Variants in MTF2 observed in about 807,000 individuals in gnomAD.
MTF2 encodes metal response element binding transcription factor 2.
Under a neutral mutation model 79.5 loss-of-function variants are expected in MTF2, and 11 were observed. That is an observed-to-expected ratio of 0.14 (90% CI 0.09 to 0.23). MTF2 has a LOEUF of 0.23. Among genes scored for constraint, MTF2 ranks in the 10% least tolerant of loss-of-function variants. The pLI is 1.00. For missense variants in MTF2, 486 were observed against 711.2 expected (o/e 0.68, Z 3.60); for synonymous variants, 208 against 232.8 (o/e 0.89, Z 0.97).
chr1:93,115,892 T>G (rs2101066192), intron 6 of MTF2, among the ~76,000 whole-genome samples: 1 of 152,310 alleles, frequency 6.6e-6, no homozygotes, highest in East Asian at 1.9e-4. Context: ...GGGAAAACAT[T>G]TACTGCAGGG....
intron 1 of MTF2, among the ~76,000 whole-genome samples, chr1:93,104,605 G>C (rs1053611602): frequency 1.3e-5 from 2 of 150,170 alleles, no homozygotes; most frequent in African/African-American, 2.4e-5. Flanking sequence ...CTTGAACCCA[G>C]GAGGTGGAGG....
chr1:93,127,085 G>A, intron 9 of MTF2, 147 bp from the exon 10 acceptor site: 2 of 599,614 alleles, frequency 3.3e-6, no homozygotes, highest in South Asian at 2.1e-5. Context: ...TCACATAATA[G>A]TCAGTGAGGA....
chr1:93,079,635 G>A, intron 1 of MTF2, 104 bp downstream of exon 1: 1 of 1,408,790 alleles, frequency 7.1e-7, no homozygotes, highest in Non-Finnish European at 1.0e-6. Flanking sequence ...GAGGACCAAG[G>A]TGGGGGTGGG....
At position 93,135,024 on chromosome 1, in the gene MTF2, C is replaced by G. The variant is rs1020990266; in HGVS notation, c.1424+829C>G. On this transcript the variant is annotated intron_variant, in intron 14 of 14. Transcript: ENST00000370298. ...TCGCTCTGTCACCCAGGCTGGAGTA[C>G]AGTGGCATGATATCGACTCACTGCA... 2.6e-5 allele frequency among the ~76,000 whole-genome samples: 4 copies of G among 152,104 alleles called. No individual in the cohort carries two copies. The South Asian group carries it at 8.3e-4, about 32-fold the overall frequency.
intron 9 of MTF2, chr1:93,121,141 G>A (rs1656459587): frequency 1.0e-6 from 1 of 984,732 alleles, no homozygotes; most frequent in Admixed American, 6.1e-5. Context: ...GTTGTAGAGT[G>A]AAGCTGCCTG....
chr1:93,118,822 A>G (rs1351677614), intron 7 of MTF2, among the ~76,000 whole-genome samples: 2 of 152,260 alleles, frequency 1.3e-5, no homozygotes, highest in Non-Finnish European at 2.9e-5. Flanking sequence ...TGTACTTTCT[A>G]TATTAGAAGA....
At chr1:93,127,817 T>G (rs1656760533) in intron 10 of MTF2, among the ~76,000 whole-genome samples, 1 of 2,194 alleles carries the variant, frequency 4.6e-4, no homozygotes, top group African/African-American at 1.4e-3. Context: ...CCCTACCTTA[T>G]TTTTACTTTT....
chr1:93,130,969 A>T (rs943551353), intron 11 of MTF2, among the ~76,000 whole-genome samples: 2 of 151,972 alleles, frequency 1.3e-5, no homozygotes, highest in African/African-American at 4.8e-5. Context: ...ACACACACAC[A>T]CCCTCATACA....
rs749110976 is a variant in MTF2 at position 93,118,417 on chromosome 1, A to G, written c.705A>G (p.Gln235=). The stretch of plus-strand genomic sequence containing the variant: ...ATGAGGCTTGTGTGCAATGCCTTCA[A>G]AAGCCAATGCTATTTGGAGACAGGT... The part of the protein sequence containing the change: ...WFHEACVQCL[Q]KPMLFGDRFY... The change falls in exon 7 of 15, where the codon CAA becomes CAG. Residue 235 remains glutamine (Q), a synonymous_variant. Coordinates refer to ENST00000370298, the MANE Select transcript of MTF2 (RefSeq NM_007358.4). 6.2e-7 allele frequency: 1 copy of G among 1,602,610 alleles called. No individual in the cohort carries two copies. The highest frequency in any genetic ancestry group is 1.1e-5 in the South Asian group (1 of 89,272).
intron 1 of MTF2, among the ~76,000 whole-genome samples, chr1:93,098,169 CTT>C (rs1326022206): frequency 2.0e-5 from 3 of 152,090 alleles, no homozygotes; most frequent in East Asian, 1.9e-4. Flanking sequence ...TGTCTCATGA[CTT>C]TGTGCCTTTA....
At chr1:93,082,639 A>G (rs534474624) in intron 1 of MTF2, among the ~76,000 whole-genome samples, 2 of 152,250 alleles carry the variant, frequency 1.3e-5, no homozygotes, top group African/African-American at 4.8e-5. Flanking sequence ...ATATATTGAA[A>G]TGCACAAATC....
intron 9 of MTF2, chr1:93,121,261 G>A (rs540724435): frequency 1.2e-5 from 11 of 935,952 alleles, no homozygotes; most frequent in Admixed American, 6.2e-5. Context: ...TAAAAGTAAT[G>A]TGTGTTCATT....
chr1:93,136,739 A>T lies in MTF2; in HGVS notation c.1494A>T (p.Arg498Ser), dbSNP rs749903364. ...CTGCTGCAATACCACATTTGCGGAG[A>T]AGAAGAGGTCGTCTTCCAAGAAGAG... ...SWPAAIPHLR[R>S]RRGRLPRRAL... The change falls in exon 15 of 15, where the codon AGA (arginine) becomes AGT (serine). Residue 498 changes from arginine (R) to serine (S), a missense_variant. Transcript: ENST00000370298. 86 of 1,613,912 alleles carry T rather than the reference A, an allele frequency of 5.3e-5. No individual in the cohort carries two copies. Among genetic ancestry groups the T allele is most frequent in the Non-Finnish European group, 7.0e-5 (83 of 1,179,898 alleles).
intron 11 of MTF2, among the ~76,000 whole-genome samples, chr1:93,133,091 A>G (rs764209681): frequency 3.3e-5 from 5 of 150,540 alleles, no homozygotes; most frequent in Non-Finnish European, 4.4e-5. Context: ...GGTCTTTCTG[A>G]TTTTTCCTTT....
intron 10 of MTF2, among the ~76,000 whole-genome samples, chr1:93,128,386 T>C (rs4240965): frequency 0.88 from 134,091 of 151,626 alleles, 59,652 homozygotes; most frequent in East Asian, 0.95. Flanking sequence ...GGTGAAACCC[T>C]GTCTCTACTA....
Position 93,109,085 on chromosome 1 carries a change from T to A in MTF2, c.6-1145T>A, listed in dbSNP as rs1160965645. Among the ~76,000 whole-genome samples the A allele has an allele frequency of 3.9e-5, 6 of 152,350 alleles. No homozygotes were observed. In the East Asian group the frequency reaches 1.2e-3, roughly 29 times the overall value. Reference sequence around the variant, plus strand: ...TTTTCTTTAATTTCCCTGCTCATTTTATTTTTACTAAACTTTTATGCTGTT... The same window carrying A: ...TTTTCTTTAATTTCCCTGCTCATTTAATTTTTACTAAACTTTTATGCTGTT... On this transcript the variant is annotated intron_variant, in intron 1 of 14. Coordinates refer to ENST00000370298, the MANE Select transcript of MTF2 (RefSeq NM_007358.4).
chr1:93,098,217 G>T (rs2785602), intron 1 of MTF2, among the ~76,000 whole-genome samples: 120,744 of 152,094 alleles, frequency 0.79, 51,053 homozygotes, highest in East Asian at 0.93. Context: ...CCTCTCTAAG[G>T]TTCATCTCTG....
intron 1 of MTF2, among the ~76,000 whole-genome samples, chr1:93,084,362 G>A (rs936547024): frequency 6.6e-6 from 1 of 152,110 alleles, no homozygotes; most frequent in African/African-American, 2.4e-5. Flanking sequence ...CTGTACTTAG[G>A]ACTGTACCAT....
chr1:93,092,140 T>C (rs1655098265), intron 1 of MTF2, among the ~76,000 whole-genome samples: 1 of 152,190 alleles, frequency 6.6e-6, no homozygotes, highest in African/African-American at 2.4e-5. Flanking sequence ...ATTTTGGCTA[T>C]AATTTTATTT....
Sources: allele counts gnomAD v4.1 joint callset (sites outside exome capture counted in the v4.1 genomes callset), GRCh38; gene constraint gnomAD v4.1.1; transcripts MANE v1.5; gene names NCBI Gene and HGNC (gene_info 2026-07-23, HGNC 2026-07-21).